RSPO3: variants seen among roughly 807,000 people sequenced by gnomAD.
RSPO3 encodes the protein R-spondin-3.
In RSPO3, 17 loss-of-function variants were observed where a neutral mutation model predicts 36.5. The observed-to-expected ratio is 0.47, with a 90% CI of 0.32 to 0.70. The LOEUF is 0.70. Ranked by LOEUF, RSPO3 falls within the 30% of genes least tolerant of loss-of-function variation. The pLI is 0.04. For missense variants in RSPO3, 294 were observed against 322.5 expected, an observed-to-expected ratio of 0.91 and a Z score of 0.68; for synonymous variants, 108 against 107.0, an observed-to-expected ratio of 1.01 and a Z score of -0.06.
At chr6:127,136,438 T>C (rs761131630) in intron 1 of RSPO3, among the ~76,000 whole-genome samples, 3 of 152,172 alleles carry the variant, frequency 2.0e-5, no homozygotes, top group Non-Finnish European at 4.4e-5. Flanking sequence ...TCATCAAACA[T>C]ATTCTATTCC....
chr6:127,119,775 G>C (rs946615330), intron 1 of RSPO3: 18 of 153,198 alleles, frequency 1.2e-4, no homozygotes, highest in African/African-American at 4.3e-4. Flanking sequence ...GCTGGACTCC[G>C]GTAGCCGAAC....
intron 4 of RSPO3, among the ~76,000 whole-genome samples, chr6:127,183,725 G>A (rs966931041): frequency 5.9e-5 from 9 of 151,950 alleles, no homozygotes; most frequent in Non-Finnish European, 1.3e-4. Context: ...TAATATACCA[G>A]GAATATCGGC....
At position 127,119,271 on chromosome 6, in the gene RSPO3, G is replaced by A. The variant is rs1474194981; in HGVS notation, c.79G>A (p.Gly27Arg). 5 of 1,612,420 alleles carry A rather than the reference G, an allele frequency of 3.1e-6. No individual in the cohort carries two copies. The highest frequency in any genetic ancestry group is 4.2e-6 in the Non-Finnish European group (5 of 1,179,194). ...EYIGSQNASR[G>R]RRQRRMHPNV... ...CATCGGCAGCCAAAACGCCTCCCGG[G>A]GAAGGCGCCAGCGAAGAAGTAAGTG... The change falls in exon 1 of 5, where the codon GGA (glycine) becomes AGA (arginine). Residue 27 changes from glycine (G) to arginine (R), a missense_variant. Gly to Arg is a moderately radical substitution (Grantham distance 125, BLOSUM62 -2). Coordinates refer to ENST00000356698, the MANE Select transcript of RSPO3 (RefSeq NM_032784.5).
At chr6:127,194,344 A>C (rs1775470392) in intron 4 of RSPO3, among the ~76,000 whole-genome samples, 1 of 152,232 alleles carries the variant, frequency 6.6e-6, no homozygotes, top group Non-Finnish European at 1.5e-5. Flanking sequence ...CAAATTTTAA[A>C]TGACCCAGTA....
At chr6:127,168,954 C>T (rs1241297100) in intron 4 of RSPO3, among the ~76,000 whole-genome samples, 1 of 151,964 alleles carries the variant, frequency 6.6e-6, no homozygotes, top group African/African-American at 2.4e-5. Context: ...TTCCATTGGT[C>T]TATATCTCTG....
At chr6:127,185,187 G>C (rs993912917) in intron 4 of RSPO3, among the ~76,000 whole-genome samples, 2 of 152,000 alleles carry the variant, frequency 1.3e-5, no homozygotes, top group African/African-American at 4.8e-5. Flanking sequence ...TATTGATGAA[G>C]TAATTACAAG....
intron 4 of RSPO3, among the ~76,000 whole-genome samples, chr6:127,182,897 A>C (rs1401630104): frequency 3.3e-5 from 5 of 151,984 alleles, no homozygotes; most frequent in Non-Finnish European, 7.4e-5. Context: ...TACATTCTCA[A>C]CTCCACCAAA....
chr6:127,134,359 T>C (rs2114554304), intron 1 of RSPO3, among the ~76,000 whole-genome samples: 1 of 152,350 alleles, frequency 6.6e-6, no homozygotes, highest in South Asian at 2.1e-4. Flanking sequence ...GCACATTGAC[T>C]AATTTCTATA....
chr6:127,188,314 A>G (rs1282524998), intron 4 of RSPO3, among the ~76,000 whole-genome samples: 1 of 152,236 alleles, frequency 6.6e-6, no homozygotes, highest in Non-Finnish European at 1.5e-5. Flanking sequence ...TGCTTAAAGC[A>G]GACTATGAAA....
chr6:127,135,019 G>C (rs1251029612), intron 1 of RSPO3, among the ~76,000 whole-genome samples: 2 of 152,180 alleles, frequency 1.3e-5, no homozygotes, highest in Non-Finnish European at 2.9e-5. Context: ...TACCTCATTA[G>C]ACAAAACGTG....
intron 4 of RSPO3, among the ~76,000 whole-genome samples, chr6:127,156,400 C>A (rs913232685): frequency 6.6e-6 from 1 of 152,120 alleles, no homozygotes; most frequent in South Asian, 2.1e-4. Context: ...TTTAAAATAT[C>A]ATTTTTCTAT....
At chr6:127,167,857 G>T (rs970082224) in intron 4 of RSPO3, among the ~76,000 whole-genome samples, 2 of 151,780 alleles carry the variant, frequency 1.3e-5, no homozygotes, top group Non-Finnish European at 2.9e-5. Context: ...GAGAACATGC[G>T]GTGTTTGGTT....
chr6:127,157,704 A>C (rs1774622243), intron 4 of RSPO3, among the ~76,000 whole-genome samples: 1 of 152,000 alleles, frequency 6.6e-6, no homozygotes, highest in Non-Finnish European at 1.5e-5. Context: ...TATGAATCAC[A>C]TTTACAATTA....
At chr6:127,134,851 T>C (rs1034526047) in intron 1 of RSPO3, among the ~76,000 whole-genome samples, 4 of 152,154 alleles carry the variant, frequency 2.6e-5, no homozygotes, top group Non-Finnish European at 4.4e-5. Context: ...CAAAATGACA[T>C]AGTCAGAGAT....
intron 2 of RSPO3, among the ~76,000 whole-genome samples, chr6:127,150,166 G>GATAT (rs768162516): frequency 0.025 from 3,430 of 139,408 alleles, 50 homozygotes; most frequent in African/African-American, 0.037. Context: ...TATTCTTGGA[G>GATAT]ATATATATAT....
chr6:127,173,784 A>G (rs1774990355), intron 4 of RSPO3, among the ~76,000 whole-genome samples: 1 of 151,856 alleles, frequency 6.6e-6, no homozygotes, highest in African/African-American at 2.4e-5. Flanking sequence ...ACACACAACT[A>G]TATGGAAAAA....
In RSPO3 at chr6:127,155,501, T is replaced by G. The variant is rs1009506435; in HGVS notation, c.634+63T>G. On this transcript the variant is annotated intron_variant, in intron 4 of 4. Coordinates refer to ENST00000356698, the MANE Select transcript of RSPO3 (RefSeq NM_032784.5). ...TCATAATCTGTTGCATTTTTCATTT[T>G]ATTTCTTATGAAACACTTGGCATTA... 1.2e-5 allele frequency: 17 copies of G among 1,452,774 alleles called. No individual in the cohort carries two copies. In the African/African-American group the frequency reaches 1.7e-4, roughly 15 times the overall value. 90.0% of individuals were successfully genotyped at this position (1,452,774 alleles called of 1,614,324 possible). A position where few individuals can be genotyped will look rare whatever the true frequency, so the allele number is the denominator to read the frequency against.
chr6:127,188,024 G>C (rs1775331334), intron 4 of RSPO3, among the ~76,000 whole-genome samples: 1 of 152,054 alleles, frequency 6.6e-6, no homozygotes, highest in Non-Finnish European at 1.5e-5. Flanking sequence ...GCCTTTAATA[G>C]TTTCTTTTGG....
intron 1 of RSPO3, among the ~76,000 whole-genome samples, chr6:127,134,977 A>G (rs9491697): frequency 0.41 from 62,075 of 152,074 alleles, 12,899 homozygotes; most frequent in East Asian, 0.53. Context: ...AATGAGAAAT[A>G]GTTATCTTTG....
Sources: allele counts gnomAD v4.1 joint callset (sites outside exome capture counted in the v4.1 genomes callset), GRCh38; gene constraint gnomAD v4.1.1; transcripts MANE v1.5; gene names NCBI Gene and HGNC (gene_info 2026-07-23, HGNC 2026-07-21).